The following ITGA8 variants were observed in gnomAD, a reference collection of about 807,000 sequenced individuals.
The protein encoded by ITGA8 is integrin alpha-8.
Under a neutral mutation model 142.3 loss-of-function variants are expected in ITGA8, and 91 were observed. That is an observed-to-expected ratio of 0.64 (90% CI 0.54 to 0.76). ITGA8 has a LOEUF of 0.76. Ranked by LOEUF, ITGA8 falls within the 30% of genes least tolerant of loss-of-function variation. The probability of loss-of-function intolerance (pLI) is 0.00; values close to 1 mark genes in which losing one functional copy is unlikely to be tolerated. For missense variants in ITGA8, 1,406 were observed against 1,327.7 expected (o/e 1.06, Z -0.92); for synonymous variants, 505 against 485.2 (o/e 1.04, Z -0.54).
At chr10:15,575,646 G>T (rs1233741990) in intron 23 of ITGA8, 52 bp from the exon 24 acceptor site, 2 of 1,376,274 alleles carry the variant, frequency 1.5e-6, no homozygotes, top group Admixed American at 3.4e-5. Context: ...GGTAAAGAAT[G>T]TTTTACTAGT....
rs7075298 is a variant in ITGA8 at position 15,531,399 on chromosome 10, T to C, written c.2881-248A>G. Among the ~76,000 whole-genome samples the C allele has an allele frequency of 0.19, 28,541 of 151,676 alleles. 2,810 individuals carry two copies. The highest frequency in any genetic ancestry group is 0.2 in the Admixed American group (3,082 of 15,238). On this transcript the variant is annotated intron_variant, in intron 27 of 29. Coordinates refer to ENST00000378076, the MANE Select transcript of ITGA8 (RefSeq NM_003638.3). ...GAATCCATCTATCCAAGCATCCATC[T>C]ATCCAAGCATCCATCTATCCATCCA...
rs71374633 is a variant in ITGA8 at position 15,565,573 on chromosome 10, A to ATTTTTTTTTTTTTTTTTTTTTTTTTTTTT, written c.2637+6609_2637+6637dup. On this transcript the variant is annotated intron_variant, in intron 25 of 29. Transcript: ENST00000378076. ...ATAATCTTCTTCCTTTCATGTCCTGATTTTTTTTTTTTTTTTTTTTTTTTT... is the reference window on the plus strand; with the variant it reads ...ATAATCTTCTTCCTTTCATGTCCTGATTTTTTTTTTTTTTTTTTTTTTTTTTTTTTTTTTTTTTTTTTTTTTTTTTTTTT... 5.8e-5 allele frequency among the ~76,000 whole-genome samples: 2 copies of ATTTTTTTTTTTTTTTTTTTTTTTTTTTTT among 34,764 alleles called. 1 individual carries two copies. Among genetic ancestry groups the ATTTTTTTTTTTTTTTTTTTTTTTTTTTTT allele is most frequent in the East Asian group, 2.8e-3 (2 of 718 alleles). 22.8% of individuals were successfully genotyped at this position (34,764 alleles called of 152,430 possible). A position where few individuals can be genotyped will look rare whatever the true frequency, so the allele number is the denominator to read the frequency against.
At chr10:15,558,394 C>T (rs1008242881) in intron 25 of ITGA8, among the ~76,000 whole-genome samples, 192 bp from the exon 26 acceptor site, 2 of 152,176 alleles carry the variant, frequency 1.3e-5, no homozygotes, top group South Asian at 4.1e-4. Context: ...CTTTTCCACT[C>T]TTCAATGACA....
intron 27 of ITGA8, 100 bp downstream of exon 27, chr10:15,548,355 A>G (rs982237296): frequency 1.9e-5 from 15 of 793,684 alleles, no homozygotes; most frequent in Non-Finnish European, 2.7e-5. Context: ...GGACTTCCAC[A>G]GTGTTAAATT....
rs186764478 is a variant in ITGA8 at position 15,531,178 on chromosome 10, A to G, written c.2881-27T>C. ...TGAAAGTAAAAGTATTTATTTAAAT[A>G]TATTTCATATAAAGTTTTTAAGAGT... On this transcript the variant is annotated intron_variant, in intron 27 of 29. Coordinates refer to ENST00000378076, the MANE Select transcript of ITGA8 (RefSeq NM_003638.3). The G allele has an allele frequency of 3.3e-6, 4 of 1,221,364 alleles. No homozygotes were observed. The South Asian group carries it at 5.3e-5, about 16-fold the overall frequency. The allele number at this position is 1,221,364 out of a possible 1,614,324, so 75.7% of individuals were successfully genotyped here.
Position 15,613,648 on chromosome 10 carries a change from G to A in ITGA8, c.1553+12C>T, listed in dbSNP as rs374732934. 1.4e-4 allele frequency: 223 copies of A among 1,551,072 alleles called. No homozygotes were observed. The highest frequency in any genetic ancestry group is 1.0e-3 in the African/African-American group (77 of 73,632). On this transcript the variant is annotated intron_variant, in intron 15 of 29. Coordinates refer to ENST00000378076, the MANE Select transcript of ITGA8 (RefSeq NM_003638.3). ...TTCACATTGGAGTTTGAGAAGCACC[G>A]GACTAACTCACCAGGCAGCAGATGT... is the stretch of plus-strand genomic sequence containing the variant.
chr10:15,705,744 C>G (rs1400497081), intron 2 of ITGA8, among the ~76,000 whole-genome samples: 1 of 152,210 alleles, frequency 6.6e-6, no homozygotes, highest in Non-Finnish European at 1.5e-5. Flanking sequence ...TCATCAATAA[C>G]CTTCAGCTGC....
At chr10:15,619,882 T>A (rs80315190) in intron 13 of ITGA8, among the ~76,000 whole-genome samples, 2,690 of 152,344 alleles carry the variant, frequency 0.018, 74 homozygotes, top group African/African-American at 0.061. Flanking sequence ...GAAAACTGAT[T>A]CACGATGAAT....
At chr10:15,690,817 T>C (rs1193969242) in intron 2 of ITGA8, among the ~76,000 whole-genome samples, 1 of 152,062 alleles carries the variant, frequency 6.6e-6, no homozygotes, top group Non-Finnish European at 1.5e-5. Flanking sequence ...ACTATACTAC[T>C]GCACCCACCT....
chr10:15,615,591 A>G (rs1052768135), intron 14 of ITGA8, among the ~76,000 whole-genome samples: 44 of 152,234 alleles, frequency 2.9e-4, no homozygotes, highest in African/African-American at 9.9e-4. Flanking sequence ...TCTGCTCACT[A>G]CAACCTCGAC....
At chr10:15,636,991 A>C (rs1042389324) in intron 13 of ITGA8, among the ~76,000 whole-genome samples, 3 of 152,172 alleles carry the variant, frequency 2.0e-5, no homozygotes, top group African/African-American at 7.2e-5. Flanking sequence ...TGAAAAATAC[A>C]AAAATTAGCT....
At chr10:15,680,215 CCTT>C (rs1834710063) in intron 4 of ITGA8, among the ~76,000 whole-genome samples, 1 of 121,014 alleles carries the variant, frequency 8.3e-6, no homozygotes, top group Non-Finnish European at 1.6e-5. Flanking sequence ...TCCAGATGCT[CCTT>C]TTTTTTTTTT....
intron 2 of ITGA8, among the ~76,000 whole-genome samples, chr10:15,713,998 C>A (rs1364658832): frequency 2.0e-5 from 3 of 152,150 alleles, no homozygotes; most frequent in African/African-American, 7.2e-5. Flanking sequence ...TTCCTGTCAA[C>A]TTCTTATGTG....
chr10:15,553,593 A>G (rs1833832419), intron 26 of ITGA8, among the ~76,000 whole-genome samples: 3 of 152,216 alleles, frequency 2.0e-5, no homozygotes, highest in Admixed American at 2.0e-4. Context: ...AAGCTTTTTC[A>G]TCATCCCAAA....
chr10:15,634,264 C>A (rs1468593341), intron 13 of ITGA8, among the ~76,000 whole-genome samples: 1 of 151,974 alleles, frequency 6.6e-6, no homozygotes, highest in Non-Finnish European at 1.5e-5. Flanking sequence ...TTACATTGCT[C>A]CTTAAAGGCA....
At chr10:15,661,433 G>A (rs1834285711) in intron 8 of ITGA8, among the ~76,000 whole-genome samples, 1 of 152,216 alleles carries the variant, frequency 6.6e-6, no homozygotes, top group Non-Finnish European at 1.5e-5. Flanking sequence ...GAAGTTTGAA[G>A]CCAGGGCTTT....
At chr10:15,651,207 CAT>C (rs1414040063) in intron 11 of ITGA8, among the ~76,000 whole-genome samples, 1 of 151,774 alleles carries the variant, frequency 6.6e-6, no homozygotes, top group Non-Finnish European at 1.5e-5. Context: ...AAAAAAAAAA[CAT>C]ATTTGCTTGT....
chr10:15,677,777 G>C, intron 5 of ITGA8, 140 bp from the exon 6 acceptor site: 3 of 623,600 alleles, frequency 4.8e-6, no homozygotes, highest in Non-Finnish European at 5.4e-6. Context: ...GAGATCCTTC[G>C]GAGGCCTGCA....
At position 15,562,748 on chromosome 10, in the gene ITGA8, A is replaced by G. The variant is rs375995874; in HGVS notation, c.2638-4546T>C. ...AGGTGGAGTGCATGGACCGGAGGGT[A>G]GGCCTTGGATAGCCCAGCACTGTGG... On this transcript the variant is annotated intron_variant, in intron 25 of 29. Transcript: ENST00000378076. 5.9e-5 allele frequency among the ~76,000 whole-genome samples: 9 copies of G among 152,336 alleles called. No individual in the cohort carries two copies. In the East Asian group the frequency reaches 1.7e-3, roughly 29 times the overall value.
Sources: gnomAD v4.1 joint callset for allele counts (sites outside exome capture counted in the v4.1 genomes callset) on GRCh38, gnomAD v4.1.1 for gene constraint, MANE v1.5 for transcripts, NCBI Gene and HGNC (gene_info 2026-07-23, HGNC 2026-07-21) for gene names.